CERS6: variants seen among roughly 807,000 people sequenced by gnomAD.
CERS6 encodes the protein LAG1 homolog, ceramide synthase 6.
In CERS6, 26 loss-of-function variants were observed where a neutral mutation model predicts 56.8. The ratio of observed to expected loss-of-function variants is 0.46; its 90% CI spans 0.34 to 0.63. The LOEUF (loss-of-function observed/expected upper bound fraction) is 0.63. CERS6 is among the 30% of genes least tolerant of loss of function. The pLI is 0.01. For missense variants in CERS6, 415 were observed against 467.5 expected (o/e 0.89, Z 1.04); for synonymous variants, 164 against 173.3 (o/e 0.95, Z 0.42).
At position 168,692,959 on chromosome 2, in the gene CERS6, C is replaced by T. The variant is rs534937050; in HGVS notation, c.516+1875C>T. ...TATGTTAAATTGATAATCGAACAGA[C>T]ATTTAGGTGAAAAAGTAGTGGTCTA... On this transcript the variant is annotated intron_variant, in intron 5 of 9. Transcript: ENST00000305747. Among the ~76,000 whole-genome samples the T allele has an allele frequency of 1.4e-3, 206 of 152,128 alleles. 1 individual carries two copies. Among genetic ancestry groups the T allele is most frequent in the Non-Finnish European group, 2.4e-3 (165 of 67,984 alleles).
chr2:168,544,638 C>G (rs746734701), intron 1 of CERS6, among the ~76,000 whole-genome samples: 2 of 152,182 alleles, frequency 1.3e-5, no homozygotes, highest in Non-Finnish European at 2.9e-5. Context: ...AGCTTAGACC[C>G]CGATCACACT....
At chr2:168,683,665 T>C (rs1198881790) in intron 4 of CERS6, among the ~76,000 whole-genome samples, 1 of 152,218 alleles carries the variant, frequency 6.6e-6, no homozygotes, top group Non-Finnish European at 1.5e-5. Flanking sequence ...TTCTTTTCTA[T>C]ACCTGGTCTC....
At chr2:168,632,309 A>G (rs1684766238) in intron 4 of CERS6, among the ~76,000 whole-genome samples, 2 of 152,216 alleles carry the variant, frequency 1.3e-5, no homozygotes, top group Non-Finnish European at 2.9e-5. Flanking sequence ...ACCAAATTTC[A>G]TGCCTTATTA....
intron 4 of CERS6, among the ~76,000 whole-genome samples, chr2:168,672,306 G>T (rs1226641254): frequency 1.3e-5 from 2 of 152,186 alleles, no homozygotes; most frequent in East Asian, 3.8e-4. Flanking sequence ...GCACAGGCAG[G>T]TTCTGAAAAG....
At chr2:168,698,934 G>A (rs979488629) in intron 6 of CERS6, among the ~76,000 whole-genome samples, 2 of 152,162 alleles carry the variant, frequency 1.3e-5, no homozygotes, top group Admixed American at 6.5e-5. Context: ...CTGCTGGTCA[G>A]ATTAGATTTG....
intron 1 of CERS6, among the ~76,000 whole-genome samples, chr2:168,546,049 A>T (rs1454506580): frequency 1.3e-5 from 2 of 152,226 alleles, no homozygotes; most frequent in South Asian, 2.1e-4. Context: ...GTTGTACCTT[A>T]TGATGAGGGG....
intron 3 of CERS6, among the ~76,000 whole-genome samples, chr2:168,616,931 G>T (rs544321783): frequency 6.6e-6 from 1 of 152,132 alleles, no homozygotes; most frequent in East Asian, 1.9e-4. Flanking sequence ...CACAGAATAT[G>T]CATTTGATTC....
intron 1 of CERS6, among the ~76,000 whole-genome samples, chr2:168,539,337 C>A (rs942755253): frequency 6.6e-6 from 1 of 152,122 alleles, no homozygotes; most frequent in African/African-American, 2.4e-5. Flanking sequence ...TATTTAACTA[C>A]CTTTAAGACC....
chr2:168,535,345 G>A (rs924175517), intron 1 of CERS6, among the ~76,000 whole-genome samples: 2 of 152,320 alleles, frequency 1.3e-5, no homozygotes, highest in Admixed American at 6.5e-5. Context: ...ATGCGTTCAC[G>A]AGTGGGATCT....
chr2:168,476,310 A>G (rs569273717), intron 1 of CERS6, among the ~76,000 whole-genome samples: 4 of 152,264 alleles, frequency 2.6e-5, no homozygotes, highest in African/African-American at 9.6e-5. Context: ...ATATTGTAAA[A>G]AAGTATCAAA....
chr2:168,733,019 A>T (rs899242634), intron 8 of CERS6, among the ~76,000 whole-genome samples: 2 of 152,220 alleles, frequency 1.3e-5, no homozygotes, highest in Non-Finnish European at 2.9e-5. Context: ...GATCTACATC[A>T]GATAAGTATC....
intron 8 of CERS6, among the ~76,000 whole-genome samples, chr2:168,718,782 T>A (rs1687289994): frequency 6.6e-6 from 1 of 152,220 alleles, no homozygotes; most frequent in Non-Finnish European, 1.5e-5. Flanking sequence ...AACTGTTAGA[T>A]CGTCATGCCT....
At chr2:168,599,131 A>T (rs1016704241) in intron 3 of CERS6, among the ~76,000 whole-genome samples, 10 of 152,184 alleles carry the variant, frequency 6.6e-5, no homozygotes, top group African/African-American at 2.4e-4. Context: ...ATTTAAGGAA[A>T]TGTTGCTTTG....
At chr2:168,540,719 T>G (rs1047630475) in intron 1 of CERS6, among the ~76,000 whole-genome samples, 2 of 152,244 alleles carry the variant, frequency 1.3e-5, no homozygotes, top group Non-Finnish European at 2.9e-5. Flanking sequence ...TAATTTCTGA[T>G]GAGAAGAGCA....
chr2:168,601,010 A>G (rs554252325), intron 3 of CERS6, among the ~76,000 whole-genome samples: 1 of 152,348 alleles, frequency 6.6e-6, no homozygotes, highest in East Asian at 1.9e-4. Context: ...ACTACCCTCT[A>G]GAGCCAATGC....
At chr2:168,661,354 C>A (rs1685625424) in intron 4 of CERS6, among the ~76,000 whole-genome samples, 1 of 152,084 alleles carries the variant, frequency 6.6e-6, no homozygotes, top group African/African-American at 2.4e-5. Flanking sequence ...AATTATGAGG[C>A]CTATTAATTA....
chr2:168,533,340 A>ATTGGAATAGT (rs935424445), intron 1 of CERS6, among the ~76,000 whole-genome samples: 1 of 144,062 alleles, frequency 6.9e-6, no homozygotes, highest in Non-Finnish European at 1.6e-5. Flanking sequence ...TTTGGAATAG[A>ATTGGAATAGT]TTGGAATAGT....
intron 4 of CERS6, among the ~76,000 whole-genome samples, chr2:168,688,378 C>G (rs1686409970): frequency 6.7e-6 from 1 of 148,702 alleles, no homozygotes. Flanking sequence ...GGTCGCGCCA[C>G]TATACTCCAG....
At chr2:168,649,743 C>G (rs2105315966) in intron 4 of CERS6, among the ~76,000 whole-genome samples, 1 of 152,158 alleles carries the variant, frequency 6.6e-6, no homozygotes, top group Non-Finnish European at 1.5e-5. Context: ...ACATTCCATC[C>G]TCCTTTCTCT....
Sources: gnomAD v4.1 joint callset for allele counts (sites outside exome capture counted in the v4.1 genomes callset) on GRCh38, gnomAD v4.1.1 for gene constraint, MANE v1.5 for transcripts, NCBI Gene and HGNC (gene_info 2026-07-23, HGNC 2026-07-21) for gene names.